SAMD12: variants seen among roughly 807,000 people sequenced by gnomAD.
SAMD12 encodes the protein sterile alpha motif domain-containing protein 12.
In SAMD12, 9 loss-of-function variants were observed where a neutral mutation model predicts 15.0. The ratio of observed to expected loss-of-function variants is 0.60; its 90% CI spans 0.36 to 1.05. The LOEUF is 1.05. SAMD12 is among the 50% of genes least tolerant of loss of function. The probability of loss-of-function intolerance (pLI) is 0.01; values close to 1 mark genes in which losing one functional copy is unlikely to be tolerated. For synonymous variants in SAMD12, 86 were observed against 90.1 expected, an observed-to-expected ratio of 0.96 and a Z score of 0.25; for missense variants, 230 against 234.2, an observed-to-expected ratio of 0.98 and a Z score of 0.12.
intron 4 of SAMD12, among the ~76,000 whole-genome samples, chr8:118,306,516 A>G (rs1815358048): frequency 6.6e-6 from 1 of 152,124 alleles, no homozygotes; most frequent in Non-Finnish European, 1.5e-5. Flanking sequence ...AAATGTGACC[A>G]CTGGAGTTCC....
chr8:118,185,870 C>T (rs1342642365), downstream of SAMD12, among the ~76,000 whole-genome samples: 7 of 152,068 alleles, frequency 4.6e-5, no homozygotes, highest in Non-Finnish European at 1.0e-4. Context: ...TTTTTATACC[C>T]CAGGTTTCCA....
At chr8:118,278,338 C>A (rs913265339) in intron 4 of SAMD12, among the ~76,000 whole-genome samples, 11 of 152,182 alleles carry the variant, frequency 7.2e-5, no homozygotes, top group African/African-American at 1.9e-4. Context: ...CCCAAGAGTG[C>A]CACGGATAAG....
intron 4 of SAMD12, among the ~76,000 whole-genome samples, chr8:118,257,869 C>CT (rs1217747259): frequency 6.6e-6 from 1 of 152,068 alleles, no homozygotes; most frequent in African/African-American, 2.4e-5. Context: ...ACACTGATCC[C>CT]TTTTTTATTA....
At chr8:118,468,069 C>T (rs917347577) in intron 2 of SAMD12, among the ~76,000 whole-genome samples, 9 of 152,098 alleles carry the variant, frequency 5.9e-5, no homozygotes, top group East Asian at 1.9e-4. Flanking sequence ...CTTTGTGGCA[C>T]GTAACAAGAT....
At chr8:118,136,562 C>T in the SAMD12 span, among the ~76,000 whole-genome samples, 1 of 152,154 alleles carries the variant, frequency 6.6e-6, no homozygotes, top group African/African-American at 2.4e-5. Context: ...GGCTCACCTC[C>T]TTAGATGGGA....
At chr8:118,218,371 A>G (rs1043942817) in intron 4 of SAMD12, among the ~76,000 whole-genome samples, 2 of 152,064 alleles carry the variant, frequency 1.3e-5, no homozygotes, top group African/African-American at 4.8e-5. Context: ...CACCTTACAC[A>G]TTTGCTTTTT....
chr8:118,486,140 G>T (rs564514652), intron 2 of SAMD12, among the ~76,000 whole-genome samples: 110 of 152,186 alleles, frequency 7.2e-4, no homozygotes, highest in Middle Eastern at 6.8e-3. Context: ...GTAGGCTGGG[G>T]GTGGTGGCTC....
intron 4 of SAMD12, among the ~76,000 whole-genome samples, chr8:118,200,805 T>C (rs1360221206): frequency 2.6e-5 from 4 of 152,234 alleles, no homozygotes; most frequent in Non-Finnish European, 5.9e-5. Context: ...GCCTTGAACC[T>C]TAGTCTTTCT....
intron 4 of SAMD12, among the ~76,000 whole-genome samples, chr8:118,296,390 A>C (rs1270594036): frequency 6.6e-6 from 1 of 152,202 alleles, no homozygotes; most frequent in Non-Finnish European, 1.5e-5. Context: ...CTCCTCAGAA[A>C]AGGAAGCCTT....
chr8:118,404,469 G>A (rs924447303), intron 3 of SAMD12, among the ~76,000 whole-genome samples: 30 of 152,264 alleles, frequency 2.0e-4, no homozygotes, highest in Middle Eastern at 3.4e-3. Context: ...TGTGATAGGT[G>A]GTTGAAATAG....
chr8:118,516,188 C>T (rs753419597), intron 2 of SAMD12, among the ~76,000 whole-genome samples: 57 of 152,366 alleles, frequency 3.7e-4, no homozygotes, highest in Middle Eastern at 3.4e-3. Context: ...TTGCCACTGA[C>T]TTCTTCAACC....
chr8:118,366,363 T>C (rs904605052), intron 4 of SAMD12, among the ~76,000 whole-genome samples: 1 of 152,198 alleles, frequency 6.6e-6, no homozygotes, highest in East Asian at 1.9e-4. Context: ...ATATTTTACA[T>C]ATAGGTCTCC....
rs7845204 is a variant in SAMD12, at chr8:118,546,435, G to A, written c.192+34280C>T. On this transcript the variant is annotated intron_variant, in intron 2 of 3. Transcript: ENST00000314727. The stretch of plus-strand genomic sequence containing the variant: ...AGGATTCTTATCAGCTTCCAAGGTC[G>A]AGAAGGGGCCCACCGGGAGGGGAGG... 2.5e-3 allele frequency among the ~76,000 whole-genome samples: 379 copies of A among 152,184 alleles called. 2 individuals carry two copies. Among genetic ancestry groups the A allele is most frequent in the African/African-American group, 7.8e-3 (323 of 41,530 alleles).
At chr8:118,396,775 G>A (rs1047308249) in intron 3 of SAMD12, among the ~76,000 whole-genome samples, 1 of 152,174 alleles carries the variant, frequency 6.6e-6, no homozygotes, top group Non-Finnish European at 1.5e-5. Flanking sequence ...TGATAACCGA[G>A]GTGATTTTTA....
chr8:118,509,945 T>C (rs111957482), intron 2 of SAMD12, among the ~76,000 whole-genome samples: 12 of 152,304 alleles, frequency 7.9e-5, no homozygotes, highest in African/African-American at 2.4e-4. Flanking sequence ...GCTATTTAAA[T>C]ACAATATTGA....
At chr8:118,386,129 AC>A (rs1373527053) in intron 3 of SAMD12, among the ~76,000 whole-genome samples, 1 of 152,118 alleles carries the variant, frequency 6.6e-6, no homozygotes, top group Non-Finnish European at 1.5e-5. Context: ...ACAAACTATC[AC>A]AAACACAGGG....
chr8:118,423,224 C>T (rs897779423), intron 3 of SAMD12, among the ~76,000 whole-genome samples: 1 of 152,110 alleles, frequency 6.6e-6, no homozygotes, highest in Non-Finnish European at 1.5e-5. Flanking sequence ...TCAAAGCATT[C>T]TGTAATGTAG....
chr8:118,576,962 T>A (rs1422556440), intron 2 of SAMD12, among the ~76,000 whole-genome samples: 1 of 152,196 alleles, frequency 6.6e-6, no homozygotes, highest in Admixed American at 6.5e-5. Context: ...TACCCTCCTA[T>A]AAAGCTATGT....
chr8:118,172,229 A>T, the SAMD12 span, among the ~76,000 whole-genome samples: 2 of 152,142 alleles, frequency 1.3e-5, no homozygotes, highest in Admixed American at 6.5e-5. Flanking sequence ...CATTGTGCAC[A>T]TGTACCCTAG....
Sources: allele counts gnomAD v4.1 joint callset (sites outside exome capture counted in the v4.1 genomes callset), GRCh38; gene constraint gnomAD v4.1.1; transcripts MANE v1.5; gene names NCBI Gene and HGNC (gene_info 2026-07-23, HGNC 2026-07-21).